The following PARD3 variants were observed in gnomAD, a reference collection of about 807,000 sequenced individuals.
PARD3 encodes par-3 family cell polarity regulator.
PARD3 carries 75 observed loss-of-function variants against 155.4 expected under a neutral mutation model. The ratio of observed to expected loss-of-function variants is 0.48; its 90% CI spans 0.40 to 0.58. The LOEUF is 0.58. Ranked by LOEUF, PARD3 falls within the 20% of genes least tolerant of loss-of-function variation. PARD3 has a pLI of 0.00. For missense variants in PARD3, 1,642 were observed against 1,721.7 expected, an observed-to-expected ratio of 0.95 and a Z score of 0.82; for synonymous variants, 576 against 610.5, an observed-to-expected ratio of 0.94 and a Z score of 0.83.
chr10:34,353,687 C>G (rs1466969995), intron 14 of PARD3, among the ~76,000 whole-genome samples: 3 of 150,000 alleles, frequency 2.0e-5, no homozygotes, highest in Non-Finnish European at 4.4e-5. Context: ...ATCCCCCTCT[C>G]CGAGAAACAC....
intron 22 of PARD3, among the ~76,000 whole-genome samples, chr10:34,139,690 C>G (rs763464129): frequency 6.6e-6 from 1 of 152,180 alleles, no homozygotes; most frequent in Non-Finnish European, 1.5e-5. Context: ...CCACCAGCGT[C>G]TCAGATCATT....
At chr10:34,807,384 GA>G (rs1349485057) in intron 1 of PARD3, among the ~76,000 whole-genome samples, 1 of 152,058 alleles carries the variant, frequency 6.6e-6, no homozygotes, top group African/African-American at 2.4e-5. Context: ...CATCTTTATT[GA>G]CATATAATCA....
chr10:34,333,164 T>A (rs866449802), intron 18 of PARD3, among the ~76,000 whole-genome samples: 2 of 152,150 alleles, frequency 1.3e-5, no homozygotes, highest in Non-Finnish European at 2.9e-5. Context: ...TATTTGTATG[T>A]GAGTATATAT....
intron 7 of PARD3, among the ~76,000 whole-genome samples, chr10:34,388,884 G>T (rs891921603): frequency 6.6e-6 from 1 of 152,178 alleles, no homozygotes; most frequent in South Asian, 2.1e-4. Flanking sequence ...TGTTATGCTA[G>T]GACAAAAGAC....
chr10:34,692,682 C>G (rs80289923), intron 2 of PARD3, among the ~76,000 whole-genome samples: 3 of 152,126 alleles, frequency 2.0e-5, no homozygotes, highest in African/African-American at 7.2e-5. Context: ...TGAGACCAGT[C>G]TGGCCAACGT....
intron 7 of PARD3, among the ~76,000 whole-genome samples, chr10:34,387,865 T>C (rs1842503724): frequency 1.3e-5 from 2 of 152,356 alleles, no homozygotes; most frequent in African/African-American, 2.4e-5. Context: ...TAATGTTCCA[T>C]TTCTTGAATG....
chr10:34,468,685 CA>C (rs201349315), intron 4 of PARD3, among the ~76,000 whole-genome samples: 2 of 150,298 alleles, frequency 1.3e-5, no homozygotes, highest in South Asian at 2.1e-4. Flanking sequence ...GTTCATAATT[CA>C]AAAAAAAACC....
intron 22 of PARD3, among the ~76,000 whole-genome samples, chr10:34,155,799 G>C (rs1246138180): frequency 6.6e-6 from 1 of 151,974 alleles, no homozygotes; most frequent in Non-Finnish European, 1.5e-5. Context: ...CTGACCATGG[G>C]GGGTCATGCA....
At chr10:34,525,163 A>G (rs1465681003) in intron 2 of PARD3, among the ~76,000 whole-genome samples, 3 of 152,248 alleles carry the variant, frequency 2.0e-5, no homozygotes, top group African/African-American at 2.4e-5. Flanking sequence ...ATAGTAATAC[A>G]AACTATACCA....
chr10:34,291,164 T>C (rs1364386821), intron 20 of PARD3, among the ~76,000 whole-genome samples: 1 of 152,230 alleles, frequency 6.6e-6, no homozygotes, highest in Non-Finnish European at 1.5e-5. Flanking sequence ...GTAATTGCTA[T>C]AGATTTTATT....
intron 1 of PARD3, among the ~76,000 whole-genome samples, chr10:34,701,351 T>A (rs1053271768): frequency 2.6e-5 from 4 of 151,932 alleles, no homozygotes; most frequent in Admixed American, 2.6e-4. Context: ...GTTGTTGTTG[T>A]TGTTGTTGTT....
intron 8 of PARD3, 103 bp downstream of exon 8, chr10:34,384,026 G>A: frequency 1.7e-6 from 2 of 1,147,848 alleles, no homozygotes; most frequent in Non-Finnish European, 2.5e-6. Context: ...TTCCTCTCCA[G>A]TATACAGACT....
chr10:34,788,633 A>G (rs760198941), intron 1 of PARD3, among the ~76,000 whole-genome samples: 1 of 152,128 alleles, frequency 6.6e-6, no homozygotes, highest in African/African-American at 2.4e-5. Context: ...TATTTTCAGT[A>G]GAGACAAGGT....
chr10:34,346,183 C>T, intron 15 of PARD3: 1 of 1,098,814 alleles, frequency 9.1e-7, no homozygotes, highest in South Asian at 2.5e-5. Context: ...GAAGAGGAAA[C>T]AATGTCAACT....
chr10:34,812,286 A>G (rs1844281348), intron 1 of PARD3, among the ~76,000 whole-genome samples: 1 of 152,162 alleles, frequency 6.6e-6, no homozygotes, highest in Non-Finnish European at 1.5e-5. Context: ...GTTATTATCC[A>G]AAGCCATAAA....
chr10:34,417,745 A>C (rs1001286281), intron 5 of PARD3, among the ~76,000 whole-genome samples: 1 of 152,204 alleles, frequency 6.6e-6, no homozygotes, highest in Non-Finnish European at 1.5e-5. Context: ...GGCTGAGCCT[A>C]AATTCCACAG....
chr10:34,196,071 A>G (rs1227802788), intron 22 of PARD3, among the ~76,000 whole-genome samples: 1 of 152,214 alleles, frequency 6.6e-6, no homozygotes, highest in Non-Finnish European at 1.5e-5. Context: ...TCTTAGCCCA[A>G]TTATTCATAC....
chr10:34,242,365 G>A (rs1257126359), intron 22 of PARD3, among the ~76,000 whole-genome samples: 3 of 152,110 alleles, frequency 2.0e-5, no homozygotes, highest in African/African-American at 7.2e-5. Context: ...CCTCTAGCCT[G>A]CAGGTGTCCA....
At chr10:34,195,147 A>G (rs1297356324) in intron 22 of PARD3, among the ~76,000 whole-genome samples, 2 of 152,278 alleles carry the variant, frequency 1.3e-5, no homozygotes, top group African/African-American at 4.8e-5. Flanking sequence ...CTGCAAAATA[A>G]GTTGCAAAAA....
Sources: allele counts gnomAD v4.1 joint callset (sites outside exome capture counted in the v4.1 genomes callset), GRCh38; gene constraint gnomAD v4.1.1; transcripts MANE v1.5; gene names NCBI Gene and HGNC (gene_info 2026-07-23, HGNC 2026-07-21).